Variants in LAMB1 observed in about 807,000 individuals in gnomAD.
The protein encoded by LAMB1 is laminin subunit beta-1.
A neutral mutation model predicts 222.3 loss-of-function variants in LAMB1; 121 were observed. That is an observed-to-expected ratio of 0.54 (90% CI 0.47 to 0.63). The LOEUF is 0.63. Ranked by LOEUF, LAMB1 falls within the 30% of genes least tolerant of loss-of-function variation. LAMB1 has a pLI of 0.00. For missense variants in LAMB1, 2,172 were observed against 2,240.8 expected (o/e 0.97, Z 0.62); for synonymous variants, 794 against 807.2 (o/e 0.98, Z 0.28).
Position 107,937,130 on chromosome 7 carries a change from A to G in LAMB1, c.3909T>C (p.Ala1303=), listed in dbSNP as rs1406468049. 5.0e-6 allele frequency: 8 copies of G among 1,613,870 alleles called. No homozygotes were observed. Among genetic ancestry groups the G allele is most frequent in the Non-Finnish European group, 6.8e-6 (8 of 1,179,974 alleles). ...ESLDNTVKEL[A]EQLEFIKNSD... is the part of the protein sequence containing the mutation. ...AGTTTTTGATAAATTCCAGTTGTTC[A>G]GCAAGTTCTTTCACAGTGTTGTCTA... Residue 1303 remains alanine, a synonymous_variant, in exon 26 of 34, where the codon GCT becomes GCC. Coordinates refer to ENST00000222399, the MANE Select transcript of LAMB1 (RefSeq NM_002291.3).
rs2032562755 is a variant in LAMB1, at chr7:107,926,274, A to C, written c.4973T>G (p.Leu1658Arg). ...ISELERNVEELKRKAAQNSGE... is the reference protein window; with the variant it reads ...ISELERNVEERKRKAAQNSGE... ...GGAGTTTTGGGCAGCTTTCCGCTTA[A>C]GTTCTTCCACATTCCTCTCTAACTC... Residue 1658 changes from leucine (L) to arginine (R), a missense_variant, in exon 32 of 34, where the codon CTT (leucine) becomes CGT (arginine). Transcript: ENST00000222399. 1 of 1,613,890 alleles carries C rather than the reference A, an allele frequency of 6.2e-7. No individual in the cohort carries two copies. Among genetic ancestry groups the C allele is most frequent in the African/African-American group, 1.3e-5 (1 of 74,914 alleles).
At chr7:107,941,726 C>G (rs914661381) in intron 24 of LAMB1, among the ~76,000 whole-genome samples, 2 of 149,954 alleles carry the variant, frequency 1.3e-5, no homozygotes, top group African/African-American at 4.9e-5. Flanking sequence ...GCGATCTCGG[C>G]TCACTGCAAC....
rs561793294 is a variant in LAMB1, at chr7:107,964,329, AC to A, written c.1698+222del. 9.8e-5 allele frequency among the ~76,000 whole-genome samples: 15 copies of A among 152,320 alleles called. No homozygotes were observed. The East Asian group carries it at 1.2e-3, about 12-fold the overall frequency. ...TTGTAAAGACACATTTCTTAAACCA[AC>A]CAAAAGCCTTATCAGTGAATGCTCC... is the stretch of plus-strand genomic sequence containing the variant. On this transcript the variant is annotated intron_variant, in intron 14 of 33. Coordinates refer to ENST00000222399, the MANE Select transcript of LAMB1 (RefSeq NM_002291.3).
At chr7:108,002,809 C>T (rs569085618) in intron 2 of LAMB1, 40 bp downstream of exon 2, 2 of 1,613,830 alleles carry the variant, frequency 1.2e-6, no homozygotes, top group Non-Finnish European at 1.7e-6. Context: ...TCCCCATGCC[C>T]AAGTCCGTCC....
chr7:107,952,068 T>C lies in LAMB1; in HGVS notation c.3235A>G (p.Thr1079Ala). 6.2e-7 allele frequency: 1 copy of C among 1,614,114 alleles called. No homozygotes were observed. The highest frequency in any genetic ancestry group is 8.5e-7 in the Non-Finnish European group (1 of 1,180,004). Residue 1079 changes from threonine (T) to alanine (A), a missense_variant, in exon 23 of 34, where the codon ACT becomes GCT. Coordinates refer to ENST00000222399, the MANE Select transcript of LAMB1 (RefSeq NM_002291.3). ...TTGCAGTTGCATGGGTCACAGCCAG[T>C]GCCACTGGCCAGCTGCCAGGTATTG... ...APNTWQLASG[T>A]GCDPCNCNAA...
chr7:107,971,481 G>A (rs1436865057), intron 13 of LAMB1, among the ~76,000 whole-genome samples: 7 of 152,254 alleles, frequency 4.6e-5, no homozygotes, highest in South Asian at 2.1e-4. Context: ...GGGCTCCTGG[G>A]GAAATTCCTC....
intron 13 of LAMB1, 64 bp downstream of exon 13, chr7:107,972,928 A>G (rs2033777417): frequency 2.4e-6 from 3 of 1,264,264 alleles, no homozygotes. Flanking sequence ...AATGTCACCC[A>G]TTCCTGTAAG....
At chr7:107,976,776 T>C (rs748973522) in intron 9 of LAMB1, among the ~76,000 whole-genome samples, 12 of 152,206 alleles carry the variant, frequency 7.9e-5, no homozygotes, top group Non-Finnish European at 1.3e-4. Context: ...GTGCTTCACA[T>C]TGTTGTTCTT....
Position 107,961,540 on chromosome 7 carries a change from C to A in LAMB1, c.1985+9G>T. On this transcript the variant is annotated intron_variant, in intron 16 of 33. Coordinates refer to ENST00000222399, the MANE Select transcript of LAMB1 (RefSeq NM_002291.3). The stretch of plus-strand genomic sequence containing the variant: ...GCCCGTTGAGCTGCCAAACCACCGT[C>A]ACACTGACCTTGAGCCTGGTGATAA... The A allele has an allele frequency of 6.2e-7, 1 of 1,609,452 alleles. No individual in the cohort carries two copies. The highest frequency in any genetic ancestry group is 2.2e-5 in the East Asian group (1 of 44,742).
chr7:107,943,038 G>A, intron 24 of LAMB1, among the ~76,000 whole-genome samples: 1 of 152,144 alleles, frequency 6.6e-6, no homozygotes, highest in East Asian at 1.9e-4. Context: ...GGTACTTAAA[G>A]TATGTTTCAT....
At chr7:107,971,597 A>C (rs182669303) in intron 13 of LAMB1, among the ~76,000 whole-genome samples, 4 of 152,366 alleles carry the variant, frequency 2.6e-5, no homozygotes, top group Admixed American at 2.6e-4. Context: ...AATGATTCTC[A>C]AAGATAGGGC....
intron 13 of LAMB1, among the ~76,000 whole-genome samples, chr7:107,965,138 C>T (rs2033604977): frequency 6.6e-6 from 1 of 152,204 alleles, no homozygotes; most frequent in Admixed American, 6.5e-5. Context: ...GAAGGCACTA[C>T]CACCTGCTGA....
chr7:107,947,381 C>A (rs1161722014), intron 24 of LAMB1, among the ~76,000 whole-genome samples: 1 of 152,216 alleles, frequency 6.6e-6, no homozygotes, highest in East Asian at 1.9e-4. Flanking sequence ...ATTTGTCAAG[C>A]AATTACATAA....
intron 24 of LAMB1, among the ~76,000 whole-genome samples, chr7:107,945,028 C>T (rs2237687): frequency 0.53 from 80,779 of 152,044 alleles, 21,729 homozygotes; most frequent in East Asian, 0.81. Context: ...GGAGAGCATA[C>T]ATAGCAAAAG....
chr7:107,995,014 T>A, intron 4 of LAMB1, 54 bp from the exon 5 acceptor site: 1 of 955,684 alleles, frequency 1.0e-6, no homozygotes, highest in Non-Finnish European at 1.6e-6. Context: ...AATAGAAACA[T>A]CTGTGAATAG....
chr7:107,946,762 G>A (rs2033125327), intron 24 of LAMB1, among the ~76,000 whole-genome samples: 1 of 152,240 alleles, frequency 6.6e-6, no homozygotes, highest in Non-Finnish European at 1.5e-5. Flanking sequence ...GGGTGGTTGT[G>A]AAAGAAATCC....
At chr7:107,991,331 G>T (rs1445972880) in intron 5 of LAMB1, among the ~76,000 whole-genome samples, 1 of 152,064 alleles carries the variant, frequency 6.6e-6, no homozygotes. Context: ...TGCCTCTTTT[G>T]TATCCCTGCA....
intron 28 of LAMB1, 27 bp downstream of exon 28, chr7:107,932,146 CA>C: frequency 6.2e-7 from 1 of 1,608,534 alleles, no homozygotes; most frequent in Non-Finnish European, 8.5e-7. Context: ...ACATACATAA[CA>C]AAAACTGAGG....
At chr7:108,001,511 C>A in intron 3 of LAMB1, 47 bp downstream of exon 3, 1 of 1,524,804 alleles carries the variant, frequency 6.6e-7, no homozygotes, top group Non-Finnish European at 8.9e-7. Flanking sequence ...TAGGTCTGGA[C>A]GGGAGGAGGC....
Sources: gnomAD v4.1 joint callset for allele counts (sites outside exome capture counted in the v4.1 genomes callset) on GRCh38, gnomAD v4.1.1 for gene constraint, MANE v1.5 for transcripts, NCBI Gene and HGNC (gene_info 2026-07-23, HGNC 2026-07-21) for gene names.